Variants in AKR1C8 observed in about 807,000 individuals in gnomAD.
The protein encoded by AKR1C8 is aldo-keto reductase family 1 member C8.
chr10:5,161,066 TGTGG>T, the AKR1C8 span, among the ~76,000 whole-genome samples: 3 of 152,190 alleles, frequency 2.0e-5, no homozygotes, highest in Non-Finnish European at 2.9e-5. Context: ...TATATATGTG[TGTGG>T]GTATGTGTGT....
chr10:5,131,509 A>G, the AKR1C8 span, among the ~76,000 whole-genome samples: 1 of 152,132 alleles, frequency 6.6e-6, no homozygotes, highest in Admixed American at 6.6e-5. Flanking sequence ...TCCCATCCAA[A>G]AGTGGGCAAA....
At chr10:5,160,405 C>G in the AKR1C8 span, among the ~76,000 whole-genome samples, 1 of 152,030 alleles carries the variant, frequency 6.6e-6, no homozygotes, top group African/African-American at 2.4e-5. Flanking sequence ...AAAAATCAAT[C>G]AAATGGGTTT....
At chr10:5,154,209 T>C in the AKR1C8 span, 2 of 469,676 alleles carry the variant, frequency 4.3e-6, no homozygotes, top group Non-Finnish European at 8.8e-6. Flanking sequence ...ATTAATTTAG[T>C]AACTTTTTTC....
the AKR1C8 span, among the ~76,000 whole-genome samples, chr10:5,182,447 C>T: frequency 6.6e-6 from 1 of 152,072 alleles, no homozygotes; most frequent in Non-Finnish European, 1.5e-5. Context: ...CTAACAGGCT[C>T]AAGAACCCTA....
At chr10:5,158,375 AG>A in the AKR1C8 span, among the ~76,000 whole-genome samples, 1 of 152,202 alleles carries the variant, frequency 6.6e-6, no homozygotes, top group South Asian at 2.1e-4. Context: ...AATTTATTTT[AG>A]GAGTGGGGTT....
At chr10:5,135,050 G>C in the AKR1C8 span, 1 of 164,200 alleles carries the variant, frequency 6.1e-6, no homozygotes. Flanking sequence ...GTCACGCAGA[G>C]TAACACAGGA....
the AKR1C8 span, chr10:5,159,792 A>G: frequency 4.5e-4 from 189 of 423,702 alleles, 4 homozygotes; most frequent in South Asian, 3.0e-3. Flanking sequence ...TCTACACAGA[A>G]GACATCAAGC....
the AKR1C8 span, among the ~76,000 whole-genome samples, chr10:5,169,881 C>G: frequency 6.6e-6 from 1 of 151,968 alleles, no homozygotes; most frequent in Non-Finnish European, 1.5e-5. Context: ...CACTTAGTTA[C>G]TTACTTTTTA....
the AKR1C8 span, among the ~76,000 whole-genome samples, chr10:5,139,056 T>C: frequency 2.0e-5 from 3 of 152,144 alleles, no homozygotes; most frequent in Admixed American, 6.6e-5. Context: ...CCATTCACAA[T>C]TGCTTCAAAG....
At chr10:5,131,582 G>C in the AKR1C8 span, among the ~76,000 whole-genome samples, 1 of 152,052 alleles carries the variant, frequency 6.6e-6, no homozygotes, top group East Asian at 1.9e-4. Context: ...ATGAAAAAAG[G>C]TTCAACATTA....
chr10:5,138,382 G>T, the AKR1C8 span, among the ~76,000 whole-genome samples: 1 of 152,058 alleles, frequency 6.6e-6, no homozygotes, highest in African/African-American at 2.4e-5. Flanking sequence ...TTTATAGGCT[G>T]TTTGCAAAAA....
the AKR1C8 span, among the ~76,000 whole-genome samples, chr10:5,153,573 G>T: frequency 3.3e-5 from 5 of 152,154 alleles, no homozygotes; most frequent in Non-Finnish European, 7.3e-5. Context: ...TGTGTAGGAT[G>T]CATGGCTGGG....
the AKR1C8 span, among the ~76,000 whole-genome samples, chr10:5,164,596 C>T: frequency 6.6e-6 from 1 of 152,058 alleles, no homozygotes; most frequent in Non-Finnish European, 1.5e-5. Context: ...AACACTGGGC[C>T]CCTGTCAGTG....
chr10:5,175,166 C>T, the AKR1C8 span, among the ~76,000 whole-genome samples: 1 of 147,916 alleles, frequency 6.8e-6, no homozygotes, highest in African/African-American at 2.5e-5. Flanking sequence ...TGATGTTCCC[C>T]TTCCTGTGTC....
the AKR1C8 span, chr10:5,154,251 C>T: frequency 2.1e-6 from 1 of 465,830 alleles, no homozygotes; most frequent in East Asian, 7.0e-5. Flanking sequence ...TGAAGAAGCA[C>T]TTGGGATGGG....
chr10:5,132,519 C>T, the AKR1C8 span: 6 of 1,246,738 alleles, frequency 4.8e-6, no homozygotes, highest in African/African-American at 4.6e-5. Flanking sequence ...AATTCACCCA[C>T]CTACAGATCC....
At chr10:5,126,801 A>G in the AKR1C8 span, among the ~76,000 whole-genome samples, 59,399 of 151,692 alleles carry the variant, frequency 0.39, 12,395 homozygotes, top group Non-Finnish European at 0.43. Context: ...TGAGGAAGCC[A>G]TGATACAAAG....
chr10:5,127,780 A>T, the AKR1C8 span, among the ~76,000 whole-genome samples: 2 of 151,360 alleles, frequency 1.3e-5, no homozygotes, highest in Non-Finnish European at 2.9e-5. Context: ...GAAATATGAG[A>T]TTATGTAAAA....
chr10:5,176,950 C>T, the AKR1C8 span, among the ~76,000 whole-genome samples: 1 of 152,120 alleles, frequency 6.6e-6, no homozygotes, highest in African/African-American at 2.4e-5. Context: ...TTCCTCTTTT[C>T]CAATTGAATA....
Sources: allele counts gnomAD v4.1 joint callset (sites outside exome capture counted in the v4.1 genomes callset), GRCh38; gene constraint gnomAD v4.1.1; transcripts MANE v1.5; gene names NCBI Gene and HGNC (gene_info 2026-07-23, HGNC 2026-07-21).